NBEA: variants seen among roughly 807,000 people sequenced by gnomAD.
NBEA encodes neurobeachin.
A neutral mutation model predicts 343.4 loss-of-function variants in NBEA; 44 were observed. The ratio of observed to expected loss-of-function variants is 0.13; its 90% CI spans 0.10 to 0.16. NBEA has a LOEUF of 0.16. Among genes scored for constraint, NBEA ranks in the 10% least tolerant of loss-of-function variants. The pLI is 1.00. For synonymous variants in NBEA, 1,175 were observed against 1,238.7 expected (o/e 0.95, Z 1.08); for missense variants, 2,555 against 3,631.3 (o/e 0.70, Z 7.62).
chr13:34,959,572 C>T (rs2059597023), intron 1 of NBEA, among the ~76,000 whole-genome samples: 1 of 152,044 alleles, frequency 6.6e-6, no homozygotes, highest in Non-Finnish European at 1.5e-5. Context: ...GACTGACATA[C>T]TTATTTTAGG....
intron 8 of NBEA, among the ~76,000 whole-genome samples, chr13:35,059,541 C>T (rs752696710): frequency 9.9e-5 from 15 of 151,696 alleles, no homozygotes; most frequent in South Asian, 2.1e-4. Context: ...CAAACTACTT[C>T]GAGCTGAAAG....
At chr13:35,472,329 G>C (rs568215202) in intron 40 of NBEA, 71 bp from the exon 41 acceptor site, 15 of 1,534,296 alleles carry the variant, frequency 9.8e-6, no homozygotes, top group Non-Finnish European at 1.2e-5. Context: ...AAAAACCTCT[G>C]GTACCTTTCT....
chr13:35,243,718 A>G (rs1437189334), intron 34 of NBEA, among the ~76,000 whole-genome samples: 2 of 151,966 alleles, frequency 1.3e-5, no homozygotes, highest in African/African-American at 4.8e-5. Flanking sequence ...CTATAAATTT[A>G]TATGTACCAA....
At chr13:35,669,117 A>G (rs1280158279) in intron 58 of NBEA, among the ~76,000 whole-genome samples, 1 of 152,216 alleles carries the variant, frequency 6.6e-6, no homozygotes, top group Non-Finnish European at 1.5e-5. Context: ...AAGAGTTGAT[A>G]TGGATGTTAA....
At chr13:35,592,428 G>A (rs1444931160) in intron 46 of NBEA, among the ~76,000 whole-genome samples, 1 of 152,144 alleles carries the variant, frequency 6.6e-6, no homozygotes, top group Non-Finnish European at 1.5e-5. Flanking sequence ...ATTAAAACCA[G>A]TGTGATAAAT....
intron 38 of NBEA, among the ~76,000 whole-genome samples, chr13:35,409,192 C>T (rs543214218): frequency 6.6e-6 from 1 of 152,064 alleles, no homozygotes; most frequent in African/African-American, 2.4e-5. Context: ...CTGTCCTTCA[C>T]GGGGACTTCG....
At chr13:35,523,656 G>A (rs2077828004) in intron 41 of NBEA, among the ~76,000 whole-genome samples, 1 of 152,164 alleles carries the variant, frequency 6.6e-6, no homozygotes, top group African/African-American at 2.4e-5. Flanking sequence ...TAAATACACT[G>A]ACATACAATT....
rs2152677057 is a variant in NBEA, at chr13:35,123,532, C to G, written c.2294C>G (p.Ala765Gly). ...AAAAGTGAAAGTATTTGGGTTCAAG[C>G]TTTGAAGGTTCTGGGATACTTTCTG... Reference protein sequence around the residue: ...ASKSESIWVQALKVLGYFLKH... With the variant: ...ASKSESIWVQGLKVLGYFLKH... The change falls in exon 17 of 59, where the codon GCT (alanine) becomes GGT (glycine). Residue 765 changes from alanine to glycine, a missense_variant. Physicochemically the swap from Ala to Gly is moderately conservative, Grantham distance 60. Around this residue, in one of 21 missense-constraint regions of NBEA, gnomAD observed 360 missense variants for 519.1 expected, o/e 0.69. Coordinates refer to ENST00000379939, the MANE Select transcript of NBEA (RefSeq NM_001385012.1). 2.6e-6 allele frequency: 4 copies of G among 1,543,208 alleles called. No homozygotes were observed. The highest frequency in any genetic ancestry group is 3.5e-6 in the Non-Finnish European group (4 of 1,139,750).
intron 36 of NBEA, among the ~76,000 whole-genome samples, chr13:35,317,487 A>C (rs1242789576): frequency 6.6e-6 from 1 of 152,154 alleles, no homozygotes; most frequent in Non-Finnish European, 1.5e-5. Flanking sequence ...TACCAGTACC[A>C]TGCTGTTTTG....
At chr13:35,139,699 T>G (rs912857851) in intron 17 of NBEA, among the ~76,000 whole-genome samples, 1 of 149,386 alleles carries the variant, frequency 6.7e-6, no homozygotes, top group East Asian at 2.0e-4. Flanking sequence ...AATCATGTGA[T>G]GTACAGGGCC....
intron 41 of NBEA, among the ~76,000 whole-genome samples, chr13:35,532,307 G>A (rs1331563018): frequency 1.3e-5 from 2 of 151,846 alleles, no homozygotes; most frequent in African/African-American, 4.8e-5. Flanking sequence ...AGGGAAAGCT[G>A]GTTCAGAGCA....
chr13:35,266,196 G>A (rs1211977757), intron 34 of NBEA, among the ~76,000 whole-genome samples: 1 of 151,754 alleles, frequency 6.6e-6, no homozygotes, highest in Non-Finnish European at 1.5e-5. Context: ...ATAAGTGTTG[G>A]CAAGGATATG....
intron 4 of NBEA, among the ~76,000 whole-genome samples, chr13:35,047,049 A>G (rs1480499196): frequency 6.6e-6 from 1 of 152,140 alleles, no homozygotes; most frequent in Non-Finnish European, 1.5e-5. Flanking sequence ...AGATCAAGGT[A>G]AAATATTCCC....
intron 40 of NBEA, among the ~76,000 whole-genome samples, chr13:35,458,562 A>G (rs548862013): frequency 6.6e-6 from 1 of 152,198 alleles, no homozygotes; most frequent in South Asian, 2.1e-4. Flanking sequence ...TTATCAGACT[A>G]TCTGCTCATA....
chr13:35,099,177 G>A (rs1030222686), intron 11 of NBEA, among the ~76,000 whole-genome samples: 6 of 146,140 alleles, frequency 4.1e-5, no homozygotes, highest in African/African-American at 1.3e-4. Flanking sequence ...TCACAGGCGC[G>A]CACCACCATG....
intron 49 of NBEA, among the ~76,000 whole-genome samples, chr13:35,637,735 T>C (rs1488150469): frequency 6.6e-6 from 1 of 151,592 alleles, no homozygotes; most frequent in Non-Finnish European, 1.5e-5. Flanking sequence ...GGCAGGAGAA[T>C]CACTTGAACC....
chr13:34,990,689 T>C (rs181817419), intron 1 of NBEA, among the ~76,000 whole-genome samples: 12 of 138,954 alleles, frequency 8.6e-5, no homozygotes, highest in Non-Finnish European at 1.7e-4. Context: ...TCTTTACTTA[T>C]GCAAATTTCT....
At chr13:35,633,155 T>C (rs944573633) in intron 49 of NBEA, among the ~76,000 whole-genome samples, 2 of 151,660 alleles carry the variant, frequency 1.3e-5, no homozygotes, top group Non-Finnish European at 2.9e-5. Flanking sequence ...CAGGCTGAAG[T>C]GCAGTGGCGC....
At chr13:35,565,835 C>T (rs1276849446) in intron 44 of NBEA, among the ~76,000 whole-genome samples, 1 of 152,100 alleles carries the variant, frequency 6.6e-6, no homozygotes, top group Non-Finnish European at 1.5e-5. Context: ...CAGACATATT[C>T]ACCCTAAGAT....
Sources: allele counts gnomAD v4.1 joint callset (sites outside exome capture counted in the v4.1 genomes callset), GRCh38; gene constraint gnomAD v4.1.1; regional missense constraint gnomAD v4.1.1; transcripts MANE v1.5; gene names NCBI Gene and HGNC (gene_info 2026-07-23, HGNC 2026-07-21).